Variants in HS6ST2 observed in about 807,000 individuals in gnomAD.
The protein encoded by HS6ST2 is heparan-sulfate 6-O-sulfotransferase 2.
HS6ST2 carries 17 observed loss-of-function variants against 33.0 expected under a neutral mutation model. The ratio of observed to expected loss-of-function variants is 0.52; its 90% CI spans 0.35 to 0.77. The LOEUF (loss-of-function observed/expected upper bound fraction) is 0.77, where lower values mean the gene tolerates loss of function less well. Ranked by LOEUF, HS6ST2 falls within the 30% of genes least tolerant of loss-of-function variation. HS6ST2 has a pLI of 0.01. For synonymous variants in HS6ST2, 248 were observed against 237.1 expected, an observed-to-expected ratio of 1.05 and a Z score of -0.42; for missense variants, 519 against 551.7, an observed-to-expected ratio of 0.94 and a Z score of 0.59.
At chrX:132,886,667 AG>A (rs2066255938) in intron 2 of HS6ST2, among the ~76,000 whole-genome samples, 1 of 111,032 alleles carries the variant, frequency 9.0e-6, no homozygotes, top group African/African-American at 3.3e-5. Flanking sequence ...AGAGAGACTG[AG>A]GGGAGGGAAG....
At chrX:132,918,017 G>A (rs2066611831) in intron 2 of HS6ST2, among the ~76,000 whole-genome samples, 1 of 112,363 alleles carries the variant, frequency 8.9e-6, no homozygotes, top group Non-Finnish European at 1.9e-5. Context: ...TTTTAGAGAT[G>A]ATGAAACTGA....
intron 2 of HS6ST2, among the ~76,000 whole-genome samples, chrX:132,943,247 T>C (rs918781459): frequency 6.3e-5 from 7 of 111,592 alleles, no homozygotes; most frequent in Admixed American, 5.8e-4. Context: ...AAGAAAAAGG[T>C]TTTTGGAGAT....
chrX:132,768,287 G>A (rs1448789785), intron 2 of HS6ST2, among the ~76,000 whole-genome samples: 2 of 94,986 alleles, frequency 2.1e-5, no homozygotes, highest in Non-Finnish European at 4.1e-5. Context: ...AGTGAGCCAA[G>A]ATCATGCCAT....
intron 2 of HS6ST2, among the ~76,000 whole-genome samples, chrX:132,825,947 T>C (rs367855201): frequency 1.8e-5 from 2 of 112,213 alleles, no homozygotes; most frequent in East Asian, 5.6e-4. Context: ...TCTTTCCCCA[T>C]CTCAGACAAA....
At chrX:132,714,272 C>T (rs1602602501) in intron 2 of HS6ST2, among the ~76,000 whole-genome samples, 1 of 111,397 alleles carries the variant, frequency 9.0e-6, no homozygotes, top group South Asian at 3.9e-4. Context: ...CCTATCTCTA[C>T]AGTGATGGTG....
chrX:132,946,462 T>C (rs2066957507), intron 2 of HS6ST2, among the ~76,000 whole-genome samples: 1 of 111,913 alleles, frequency 8.9e-6, no homozygotes, highest in South Asian at 3.7e-4. Context: ...TTCATGTCCT[T>C]TGTAGGAACA....
intron 2 of HS6ST2, among the ~76,000 whole-genome samples, chrX:132,804,049 AT>A (rs1187044272): frequency 8.9e-6 from 1 of 112,302 alleles, no homozygotes; most frequent in East Asian, 2.8e-4. Flanking sequence ...AATCAAAACT[AT>A]ATTGATAATT....
intron 2 of HS6ST2, among the ~76,000 whole-genome samples, chrX:132,878,605 C>T (rs1323483788): frequency 8.9e-6 from 1 of 111,801 alleles, no homozygotes; most frequent in Admixed American, 9.6e-5. Context: ...CTTTTTAATG[C>T]TCAAAGATGG....
Position 132,956,894 on chromosome X carries a change from G to A in HS6ST2, c.861C>T (p.Cys287=). 8.4e-7 allele frequency: 1 copy of A among 1,193,456 alleles called. No individual in the cohort carries two copies. Residue 287 remains cysteine, a synonymous_variant, in exon 2 of 5, where the codon TGC becomes TGT. Coordinates refer to ENST00000370833, the MANE Select transcript of HS6ST2 (RefSeq NM_001394073.1). ...GCTCGGTCCAGTCGGCGTGCAACCC[G>A]CAGCTCCAGCCCGTGGAGAACCTGG... ...LFSRFSTGWS[C]GLHADWTELT...
chrX:132,803,919 T>G (rs2148356369), intron 2 of HS6ST2, among the ~76,000 whole-genome samples: 1 of 111,894 alleles, frequency 8.9e-6, no homozygotes, highest in Non-Finnish European at 1.9e-5. Flanking sequence ...AAGGTTATTG[T>G]TTTTATTAAT....
At chrX:132,851,627 G>A (rs767909361) in intron 2 of HS6ST2, among the ~76,000 whole-genome samples, 1 of 111,925 alleles carries the variant, frequency 8.9e-6, no homozygotes, top group East Asian at 2.8e-4. Flanking sequence ...ATCATAAATT[G>A]GCTGGCTTCA....
intron 2 of HS6ST2, among the ~76,000 whole-genome samples, chrX:132,893,403 TA>T (rs1245955832): frequency 8.9e-6 from 1 of 112,049 alleles, no homozygotes; most frequent in African/African-American, 3.2e-5. Context: ...AATCTCCCTG[TA>T]GATGTAAATG....
Position 132,676,343 on chromosome X carries a change from G to A in HS6ST2, c.981-7144C>T, listed in dbSNP as rs773562338. 3.6e-5 allele frequency among the ~76,000 whole-genome samples: 4 copies of A among 112,025 alleles called. No individual in the cohort carries two copies. In the South Asian group the frequency reaches 1.1e-3, roughly 31 times the overall value. On this transcript the variant is annotated intron_variant, in intron 3 of 4. Coordinates refer to ENST00000370833, the MANE Select transcript of HS6ST2 (RefSeq NM_001394073.1). ...CAAGGCTAGTGGAGAAGGCAAGCAT[G>A]TTAACAGCTACATAACAATGTAATG...
chrX:132,837,542 G>A, intron 2 of HS6ST2, among the ~76,000 whole-genome samples: 1 of 111,756 alleles, frequency 8.9e-6, no homozygotes, highest in Middle Eastern at 4.6e-3. Context: ...TTGAGTTCAG[G>A]CAGTGTCACT....
Position 132,728,593 on chromosome X carries a change from G to A in HS6ST2, c.948-20099C>T, listed in dbSNP as rs758390139. ...GCATCAGGCCCAGCAGAAGGCTGAG[G>A]AGAGAACATTCTCGGCTATAAGAGC... is the stretch of plus-strand genomic sequence containing the variant. On this transcript the variant is annotated intron_variant, in intron 2 of 4. Coordinates refer to ENST00000370833, the MANE Select transcript of HS6ST2 (RefSeq NM_001394073.1). Among the ~76,000 whole-genome samples the A allele has an allele frequency of 4.4e-4, 49 of 112,346 alleles. 1 individual carries two copies. The highest frequency in any genetic ancestry group is 3.7e-3 in the Admixed American group (39 of 10,648).
chrX:132,679,357 G>C (rs1215657036), intron 3 of HS6ST2, among the ~76,000 whole-genome samples: 1 of 111,729 alleles, frequency 9.0e-6, no homozygotes, highest in Non-Finnish European at 1.9e-5. Context: ...CTGGGCATCT[G>C]GGGGAGACAT....
At chrX:132,654,773 G>T (rs1045679765) in intron 4 of HS6ST2, among the ~76,000 whole-genome samples, 2 of 111,753 alleles carry the variant, frequency 1.8e-5, no homozygotes, top group African/African-American at 6.5e-5. Context: ...ACTCACATCA[G>T]CGCATACACT....
chrX:132,759,946 G>A (rs1033021941), intron 2 of HS6ST2, among the ~76,000 whole-genome samples: 1 of 111,840 alleles, frequency 8.9e-6, no homozygotes, highest in African/African-American at 3.2e-5. Context: ...AGGAAGTAGA[G>A]GCTCAGAGAA....
chrX:132,794,684 C>T (rs1009420135), intron 2 of HS6ST2, among the ~76,000 whole-genome samples: 1 of 110,888 alleles, frequency 9.0e-6, no homozygotes, highest in East Asian at 2.8e-4. Flanking sequence ...CTCGGCCTCC[C>T]ACAGTTCTGG....
Sources: allele counts gnomAD v4.1 joint callset (sites outside exome capture counted in the v4.1 genomes callset), GRCh38; gene constraint gnomAD v4.1.1; transcripts MANE v1.5; gene names NCBI Gene and HGNC (gene_info 2026-07-23, HGNC 2026-07-21).